The following RFTN1 variants were observed in gnomAD, a reference collection of about 807,000 sequenced individuals.
RFTN1 encodes raftlin.
A neutral mutation model predicts 46.5 loss-of-function variants in RFTN1; 26 were observed. The ratio of observed to expected loss-of-function variants is 0.56; its 90% CI spans 0.41 to 0.78. The LOEUF is 0.78. Among genes scored for constraint, RFTN1 ranks in the 30% least tolerant of loss-of-function variants. The pLI, the probability that RFTN1 is intolerant of heterozygous loss-of-function variation, is 0.00. For synonymous variants in RFTN1, 261 were observed against 284.2 expected (o/e 0.92, Z 0.82); for missense variants, 693 against 718.7 (o/e 0.96, Z 0.41).
In RFTN1 at chr3:16,377,898, C is replaced by A; in HGVS notation, c.646G>T (p.Gly216Trp). The A allele has an allele frequency of 6.2e-7, 1 of 1,614,236 alleles. No individual in the cohort carries two copies. The highest frequency in any genetic ancestry group is 1.1e-5 in the South Asian group (1 of 91,088). Residue 216 changes from glycine to tryptophan, a missense_variant, in exon 5 of 10, where the codon GGG becomes TGG. Transcript: ENST00000334133. ...CTGGGCTCTGGGCTTTGGTTTCTCCCAGCCGGAGCACTGCACACATCCCCA... is the reference window on the plus strand; with the variant it reads ...CTGGGCTCTGGGCTTTGGTTTCTCCAAGCCGGAGCACTGCACACATCCCCA... ...GTGDVCSAPA[G>W]RNQSPEPSSG...
rs535300145 is a variant in RFTN1, at chr3:16,372,265, T to G, written c.827-1986A>C. Among the ~76,000 whole-genome samples the G allele has an allele frequency of 1.0e-3, 157 of 152,178 alleles. 1 individual carries two copies. The highest frequency in any genetic ancestry group is 6.8e-3 in the Middle Eastern group (2 of 294). On this transcript the variant is annotated intron_variant, in intron 5 of 9. Coordinates refer to ENST00000334133, the MANE Select transcript of RFTN1 (RefSeq NM_015150.2). ...TACCACTGGGGCAGCTAGGGCTCAA[T>G]CCCAACAAGGACCCTGAGACACTGT...
At chr3:16,358,153 C>G (rs1299607731) in intron 6 of RFTN1, 106 bp from the exon 7 acceptor site, 2 of 681,658 alleles carry the variant, frequency 2.9e-6, no homozygotes, top group East Asian at 5.3e-5. Context: ...TAATCCCAAT[C>G]AGAACATCTT....
intron 4 of RFTN1, among the ~76,000 whole-genome samples, chr3:16,408,295 C>A (rs576103502): frequency 1.4e-4 from 22 of 152,282 alleles, no homozygotes; most frequent in African/African-American, 4.6e-4. Flanking sequence ...TGCTCCTCAG[C>A]CCCGGCCACT....
chr3:16,380,856 GAATGAATGAATATATTAAAT>G lies in RFTN1; in HGVS notation c.442-2774_442-2755del, dbSNP rs2073966687. The stretch of plus-strand genomic sequence containing the variant: ...AGCAGGTCCTCAATAAATATCTGTT[GAATGAATGAATATATTAAAT>G]AATGGATGAATATGTATGCCTTCTC... On this transcript the variant is annotated intron_variant, in intron 4 of 9. Transcript: ENST00000334133. This position sits in a 1 kb window ranked among gnomAD's most constrained non-coding sequence, Gnocchi z 4.8. 3.9e-5 allele frequency among the ~76,000 whole-genome samples: 6 copies of G among 152,152 alleles called. No individual in the cohort carries two copies. Among genetic ancestry groups the G allele is most frequent in the African/African-American group, 1.4e-4 (6 of 41,410 alleles).
chr3:16,404,402 T>C (rs1320827594), intron 4 of RFTN1, among the ~76,000 whole-genome samples: 1 of 104,244 alleles, frequency 9.6e-6, no homozygotes, highest in African/African-American at 3.8e-5. Flanking sequence ...ATATACAATA[T>C]ATAATATATA....
Position 16,443,876 on chromosome 3 carries a change from A to G in RFTN1, c.146-9839T>C, listed in dbSNP as rs146963877. Among the ~76,000 whole-genome samples, 454 of 152,266 alleles carry G rather than the reference A, an allele frequency of 3.0e-3. 4 individuals carry two copies. Among genetic ancestry groups the G allele is most frequent in the African/African-American group, 0.011 (441 of 41,550 alleles). ...TGCATCCATTAATAAAACTCAGAAG[A>G]TGGCATTATTGTTCACCTCACCAGT... On this transcript the variant is annotated intron_variant, in intron 2 of 9. Transcript: ENST00000334133. This position sits in a 1 kb window ranked among gnomAD's most constrained non-coding sequence, Gnocchi z 5.5.
chr3:16,393,266 C>T (rs889867725), intron 4 of RFTN1, among the ~76,000 whole-genome samples: 16 of 151,994 alleles, frequency 1.1e-4, no homozygotes, highest in African/African-American at 1.9e-4. Context: ...TAACCTGGAA[C>T]GAAGATTTGA....
In RFTN1 at chr3:16,433,679, A is replaced by G. The variant is rs2075438962; in HGVS notation, c.332+172T>C. Among the ~76,000 whole-genome samples, 1 of 152,222 alleles carries G rather than the reference A, an allele frequency of 6.6e-6. No homozygotes were observed. The highest frequency in any genetic ancestry group is 2.4e-5 in the African/African-American group (1 of 41,460). On this transcript the variant is annotated intron_variant, in intron 3 of 9. Coordinates refer to ENST00000334133, the MANE Select transcript of RFTN1 (RefSeq NM_015150.2). The surrounding 1 kb of genome is among the most constrained non-coding windows in gnomAD (Gnocchi z 4.4). ...CATTTGTTTTTCATCGCAGGATGCT[A>G]GGAAAGAAACCTCTCTGGTTGTCTA...
At chr3:16,445,483 T>TCTCACACACACACACA (rs1352210263) in intron 2 of RFTN1, among the ~76,000 whole-genome samples, 8 of 126,778 alleles carry the variant, frequency 6.3e-5, no homozygotes, top group African/African-American at 2.1e-4. Flanking sequence ...TCTCTCTCTC[T>TCTCACACACACACACA]CACACACACA....
rs2075596811 is a variant in RFTN1 at position 16,440,306 on chromosome 3, G to T, written c.146-6269C>A. Among the ~76,000 whole-genome samples the T allele has an allele frequency of 6.6e-6, 1 of 152,202 alleles. No homozygotes were observed. The highest frequency in any genetic ancestry group is 1.5e-5 in the Non-Finnish European group (1 of 68,032). The stretch of plus-strand genomic sequence containing the variant: ...TGAAACCTCCGCCTTCTGGACTCAA[G>T]TGATCCTCCTGCCTCAGCCCCCTGA... On this transcript the variant is annotated intron_variant, in intron 2 of 9. Transcript: ENST00000334133. The surrounding 1 kb of genome is among the most constrained non-coding windows in gnomAD (Gnocchi z 4.6).
At chr3:16,390,256 C>G (rs1172139245) in intron 4 of RFTN1, among the ~76,000 whole-genome samples, 1 of 152,124 alleles carries the variant, frequency 6.6e-6, no homozygotes, top group Non-Finnish European at 1.5e-5. Context: ...CAGGAAATAC[C>G]AGACTGCAAT....
rs1389718996 is a variant in RFTN1, at chr3:16,346,011, G to A, written c.1146+11921C>T. The A allele has an allele frequency of 6.6e-6, 1 of 152,080 alleles. No individual in the cohort carries two copies. The highest frequency in any genetic ancestry group is 1.5e-5 in the Non-Finnish European group (1 of 68,040). 9.4% of individuals were successfully genotyped at this position (152,080 alleles called of 1,614,324 possible). A position where few individuals can be genotyped will look rare whatever the true frequency, so the allele number is the denominator to read the frequency against. ...TTCATCCTCTCTTCCTCTGCAGCAA[G>A]AATCAAAATTCACTTTGCCCCATGA... On this transcript the variant is annotated intron_variant, in intron 7 of 9. Coordinates refer to ENST00000334133, the MANE Select transcript of RFTN1 (RefSeq NM_015150.2). This position sits in a 1 kb window ranked among gnomAD's most constrained non-coding sequence, Gnocchi z 4.4.
chr3:16,493,587 G>C (rs957372920), intron 2 of RFTN1, 138 bp downstream of exon 2: 1 of 785,708 alleles, frequency 1.3e-6, no homozygotes, highest in Non-Finnish European at 2.0e-6. Context: ...TCTGTAAGCC[G>C]CCCCCTTGAG....
At chr3:16,319,209 G>A (rs1034373438) in intron 9 of RFTN1, among the ~76,000 whole-genome samples, 3 of 152,138 alleles carry the variant, frequency 2.0e-5, no homozygotes, top group Non-Finnish European at 4.4e-5. Context: ...TTTAGAAAAG[G>A]ACCAGTGAAG....
At chr3:16,438,451 G>A (rs2075557187) in intron 2 of RFTN1, among the ~76,000 whole-genome samples, 2 of 151,670 alleles carry the variant, frequency 1.3e-5, no homozygotes, top group South Asian at 2.1e-4. Context: ...TGCGCATGTT[G>A]GCGTGCACCT....
At chr3:16,372,476 T>C (rs1432152734) in intron 5 of RFTN1, among the ~76,000 whole-genome samples, 9 of 152,006 alleles carry the variant, frequency 5.9e-5, no homozygotes, top group Admixed American at 5.9e-4. Flanking sequence ...ACATGGGCCA[T>C]AGCACCACTC....
Position 16,346,960 on chromosome 3 carries a change from T to A in RFTN1, c.1146+10972A>T, listed in dbSNP as rs1344627401. On this transcript the variant is annotated intron_variant, in intron 7 of 9. Coordinates refer to ENST00000334133, the MANE Select transcript of RFTN1 (RefSeq NM_015150.2). This position sits in a 1 kb window ranked among gnomAD's most constrained non-coding sequence, Gnocchi z 4.4. ...GCTCTAGACTTCCTGCTCAATGAGA[T>A]GAGATGAACACCCCTACGGCTTAAG... Among the ~76,000 whole-genome samples, 1 of 152,190 alleles carries A rather than the reference T, an allele frequency of 6.6e-6. No homozygotes were observed. The highest frequency in any genetic ancestry group is 2.4e-5 in the African/African-American group (1 of 41,454).
rs1439299429 is a variant in RFTN1, at chr3:16,440,938, A to G, written c.146-6901T>C. Among the ~76,000 whole-genome samples the G allele has an allele frequency of 6.6e-6, 1 of 152,172 alleles. No homozygotes were observed. Among genetic ancestry groups the G allele is most frequent in the South Asian group, 2.1e-4 (1 of 4,832 alleles). Reference sequence around the variant, plus strand: ...GGCGCAGTGTGAGCATCAGTCATACATGGAGGAGGATGTCATTCTGTTCAT... The same window carrying G: ...GGCGCAGTGTGAGCATCAGTCATACGTGGAGGAGGATGTCATTCTGTTCAT... On this transcript the variant is annotated intron_variant, in intron 2 of 9. Transcript: ENST00000334133. This position sits in a 1 kb window ranked among gnomAD's most constrained non-coding sequence, Gnocchi z 4.6.
chr3:16,470,612 A>C (rs1414440271), intron 2 of RFTN1, among the ~76,000 whole-genome samples: 1 of 152,232 alleles, frequency 6.6e-6, no homozygotes, highest in Non-Finnish European at 1.5e-5. Flanking sequence ...TGAACCATGC[A>C]TGCACGAGGT....
Sources: gnomAD v4.1 joint callset for allele counts (sites outside exome capture counted in the v4.1 genomes callset) on GRCh38, gnomAD v4.1.1 for gene constraint, Gnocchi (gnomAD v3.1) non-coding constraint, MANE v1.5 for transcripts, NCBI Gene and HGNC (gene_info 2026-07-23, HGNC 2026-07-21) for gene names.